BNC2: variants seen among roughly 807,000 people sequenced by gnomAD.
The protein encoded by BNC2 is basonuclin zinc finger protein 2, also known as zinc finger protein basonuclin-2.
A neutral mutation model predicts 76.3 loss-of-function variants in BNC2; 20 were observed. That is an observed-to-expected ratio of 0.26 (90% CI 0.18 to 0.38). BNC2 has a LOEUF of 0.38. BNC2 is among the 10% of genes least tolerant of loss of function. The pLI is 1.00. For synonymous variants in BNC2, 582 were observed against 514.8 expected, an observed-to-expected ratio of 1.13 and a Z score of -1.77; for missense variants, 1,382 against 1,399.8, an observed-to-expected ratio of 0.99 and a Z score of 0.20.
chr9:16,859,177 A>T (rs376753211), intron 1 of BNC2, among the ~76,000 whole-genome samples: 1 of 22,818 alleles, frequency 4.4e-5, no homozygotes, highest in Non-Finnish European at 1.0e-4. Flanking sequence ...TTGAATGGTT[A>T]CCATCAAAAA....
intron 3 of BNC2, among the ~76,000 whole-genome samples, chr9:16,603,935 T>A (rs1169763698): frequency 6.6e-6 from 1 of 152,154 alleles, no homozygotes; most frequent in South Asian, 2.1e-4. Flanking sequence ...AGAAATTTCA[T>A]ATAAATTGTC....
intron 3 of BNC2, among the ~76,000 whole-genome samples, chr9:16,634,614 G>T (rs1340269127): frequency 6.6e-6 from 1 of 150,776 alleles, no homozygotes; most frequent in Admixed American, 6.6e-5. Flanking sequence ...CCATTCTAGT[G>T]CCTCAGCCTT....
At chr9:16,692,071 A>G (rs567136031) in intron 3 of BNC2, among the ~76,000 whole-genome samples, 1 of 152,256 alleles carries the variant, frequency 6.6e-6, no homozygotes, top group East Asian at 1.9e-4. Flanking sequence ...TTGGCCTCCC[A>G]AAGTGCTGGG....
intron 3 of BNC2, among the ~76,000 whole-genome samples, chr9:16,618,541 T>C (rs1173541890): frequency 2.0e-5 from 3 of 152,150 alleles, no homozygotes; most frequent in Non-Finnish European, 4.4e-5. Flanking sequence ...GTAAATTTCA[T>C]CTTCAAAAAA....
intron 4 of BNC2, among the ~76,000 whole-genome samples, chr9:16,580,916 G>A (rs1326079388): frequency 2.0e-5 from 3 of 152,156 alleles, no homozygotes; most frequent in Middle Eastern, 3.2e-3. Flanking sequence ...CTGAAGTCCA[G>A]CAATATTAAC....
intron 1 of BNC2, among the ~76,000 whole-genome samples, chr9:16,853,084 G>A (rs906024317): frequency 1.3e-5 from 2 of 152,160 alleles, no homozygotes; most frequent in African/African-American, 4.8e-5. Flanking sequence ...AGTGGGAGGA[G>A]AGAGGCAAGC....
At chr9:16,658,286 T>C (rs1000602138) in intron 3 of BNC2, among the ~76,000 whole-genome samples, 6 of 132,128 alleles carry the variant, frequency 4.5e-5, no homozygotes, top group Non-Finnish European at 8.3e-5. Context: ...TGGAAACAGC[T>C]ATAAGGCTGG....
At chr9:16,639,202 A>G (rs200635551) in intron 3 of BNC2, among the ~76,000 whole-genome samples, 1 of 152,172 alleles carries the variant, frequency 6.6e-6, no homozygotes, top group South Asian at 2.1e-4. Context: ...TTTAGGAGAC[A>G]TTTTATCAAA....
intron 2 of BNC2, among the ~76,000 whole-genome samples, chr9:16,732,162 A>AAAAAAAAAAAAG (rs59888253): frequency 0.098 from 12,102 of 123,446 alleles, 969 homozygotes; most frequent in Admixed American, 0.2. Context: ...TCCTGCAAAA[A>AAAAAAAAAAAAG]AAAAAGAAAA....
chr9:16,768,594 G>C (rs1453724095), intron 1 of BNC2, among the ~76,000 whole-genome samples: 1 of 152,152 alleles, frequency 6.6e-6, no homozygotes, highest in African/African-American at 2.4e-5. Context: ...AGAAAGAGCT[G>C]ATCCAGAGAA....
At chr9:16,529,801 C>T (rs1587136862) in intron 5 of BNC2, among the ~76,000 whole-genome samples, 1 of 152,106 alleles carries the variant, frequency 6.6e-6, no homozygotes. Context: ...TAAATAAATC[C>T]CCAAACCGAA....
intron 4 of BNC2, among the ~76,000 whole-genome samples, chr9:16,562,897 G>C (rs1287955324): frequency 6.6e-6 from 1 of 152,102 alleles, no homozygotes; most frequent in East Asian, 1.9e-4. Context: ...AAGAGAAATA[G>C]CATGTGTATT....
intron 5 of BNC2, among the ~76,000 whole-genome samples, chr9:16,549,677 GTCTC>G (rs990399350): frequency 2.0e-4 from 30 of 152,278 alleles, no homozygotes; most frequent in East Asian, 3.9e-4. Flanking sequence ...TACTTTTACA[GTCTC>G]TCTCTTTTTT....
chr9:16,677,578 A>AAACACACACACACACACACACAC (rs1822687344), intron 3 of BNC2, among the ~76,000 whole-genome samples: 15 of 139,344 alleles, frequency 1.1e-4, no homozygotes, highest in African/African-American at 3.9e-4. Flanking sequence ...GTCTCAAACA[A>AAACACACACACACACACACACAC]ACACACACAC....
chr9:16,708,535 G>C (rs112694136), intron 3 of BNC2, among the ~76,000 whole-genome samples: 1 of 152,122 alleles, frequency 6.6e-6, no homozygotes, highest in African/African-American at 2.4e-5. Context: ...AACTCACTCA[G>C]AGATGAGAAA....
chr9:16,572,323 G>A (rs796301773), intron 4 of BNC2, among the ~76,000 whole-genome samples: 6 of 152,250 alleles, frequency 3.9e-5, no homozygotes, highest in African/African-American at 1.4e-4. Flanking sequence ...GGTGAAAATA[G>A]AATGAGAACT....
intron 3 of BNC2, among the ~76,000 whole-genome samples, chr9:16,616,395 A>T (rs1563865021): frequency 6.6e-6 from 1 of 151,660 alleles, no homozygotes; most frequent in Non-Finnish European, 1.5e-5. Context: ...CTGTCTCGCA[A>T]AATAAAATAA....
intron 1 of BNC2, among the ~76,000 whole-genome samples, chr9:16,839,444 A>G (rs946068700): frequency 3.9e-5 from 6 of 152,244 alleles, no homozygotes; most frequent in Non-Finnish European, 7.3e-5. Context: ...TAGAATAGAA[A>G]TAAAATGCCC....
intron 1 of BNC2, among the ~76,000 whole-genome samples, chr9:16,865,269 G>C (rs535836510): frequency 1.1e-4 from 17 of 152,132 alleles, no homozygotes; most frequent in Admixed American, 3.3e-4. Flanking sequence ...CCACTGGTAA[G>C]ATACATACAC....
Sources: gnomAD v4.1 joint callset for allele counts (sites outside exome capture counted in the v4.1 genomes callset) on GRCh38, gnomAD v4.1.1 for gene constraint, MANE v1.5 for transcripts, NCBI Gene and HGNC (gene_info 2026-07-23, HGNC 2026-07-21) for gene names.